CFHR4: variants seen among roughly 807,000 people sequenced by gnomAD.
The protein encoded by CFHR4 is complement factor H-related protein 4.
A neutral mutation model predicts 69.3 loss-of-function variants in CFHR4; 64 were observed. The observed-to-expected ratio is 0.92, with a 90% CI of 0.76 to 1.14. CFHR4 has a LOEUF of 1.14. Ranked by LOEUF, CFHR4 falls within the 50% of genes most tolerant of loss-of-function variation. The probability of loss-of-function intolerance (pLI) is 0.00; values close to 1 mark genes in which losing one functional copy is unlikely to be tolerated. For missense variants in CFHR4, 636 were observed against 684.9 expected (o/e 0.93, Z 0.80); for synonymous variants, 244 against 237.0 (o/e 1.03, Z -0.27).
intron 4 of CFHR4, 26 bp from the exon 5 acceptor site, chr1:196,907,290 C>A (rs1014463019): frequency 5.1e-6 from 8 of 1,581,512 alleles, no homozygotes; most frequent in South Asian, 1.1e-5. Flanking sequence ...GTTGATTTTT[C>A]CCCAATGTAA....
At chr1:196,899,691 G>A (rs960149262) in intron 1 of CFHR4, among the ~76,000 whole-genome samples, 1 of 151,606 alleles carries the variant, frequency 6.6e-6, no homozygotes, top group African/African-American at 2.4e-5. Context: ...TTATTCTATA[G>A]TTGGCTTATG....
rs548200715 is a variant in CFHR4 at position 196,917,448 on chromosome 1, G to C, written c.1541-762G>C. Among the ~76,000 whole-genome samples the C allele has an allele frequency of 3.2e-3, 491 of 151,664 alleles. 6 individuals are homozygous for C. The highest frequency in any genetic ancestry group is 0.011 in the African/African-American group (459 of 41,266). On this transcript the variant is annotated intron_variant, in intron 9 of 9. Coordinates refer to ENST00000608469, the MANE Select transcript of CFHR4 (RefSeq NM_001201550.3). Reference sequence around the variant, plus strand: ...AAAAATTATAAATTTTTTTACAAAAGAATTTTATAAAAGAAAACCCATATG... The same window carrying C: ...AAAAATTATAAATTTTTTTACAAAACAATTTTATAAAAGAAAACCCATATG...
At chr1:196,909,624 T>G (rs1291595438) in intron 5 of CFHR4, among the ~76,000 whole-genome samples, 1 of 151,240 alleles carries the variant, frequency 6.6e-6, no homozygotes, top group Admixed American at 6.6e-5. Flanking sequence ...ATACTAATGT[T>G]AATAAGGGCT....
In CFHR4 at chr1:196,909,014, C is replaced by G. The variant is rs184138208; in HGVS notation, c.800-1267C>G. Among the ~76,000 whole-genome samples, 5 of 151,540 alleles carry G rather than the reference C, an allele frequency of 3.3e-5. 1 individual carries two copies. The highest frequency in any genetic ancestry group is 1.3e-4 in the Admixed American group (2 of 15,194). ...TCATGTGTAAGTCCGGGCTCCAAAC[C>G]ATGCAAGTGGCAAGACTGCAGAGGA... On this transcript the variant is annotated intron_variant, in intron 5 of 9. Coordinates refer to ENST00000608469, the MANE Select transcript of CFHR4 (RefSeq NM_001201550.3).
chr1:196,896,947 G>T (rs1657331560), intron 1 of CFHR4, among the ~76,000 whole-genome samples: 1 of 151,420 alleles, frequency 6.6e-6, no homozygotes, highest in South Asian at 2.1e-4. Context: ...TGCACAACGT[G>T]CAGGTTTGTT....
At chr1:196,895,899 T>C (rs372741108) in intron 1 of CFHR4, among the ~76,000 whole-genome samples, 5 of 151,726 alleles carry the variant, frequency 3.3e-5, no homozygotes, top group African/African-American at 1.2e-4. Flanking sequence ...CTTCTACATG[T>C]TTGTTGAGGG....
At chr1:196,914,464 A>T (rs765895332) in intron 7 of CFHR4, 31 bp from the exon 8 acceptor site, 1 of 1,593,922 alleles carries the variant, frequency 6.3e-7, no homozygotes, top group African/African-American at 1.4e-5. Flanking sequence ...TATGGCATAG[A>T]AAAGCAATCC....
chr1:196,897,160 G>A (rs1214004689), intron 1 of CFHR4, among the ~76,000 whole-genome samples: 1 of 151,546 alleles, frequency 6.6e-6, no homozygotes, highest in Non-Finnish European at 1.5e-5. Context: ...AGATGAAATG[G>A]GGGAGTTCCC....
chr1:196,908,298 A>G (rs1326102945), intron 5 of CFHR4, among the ~76,000 whole-genome samples: 1 of 151,420 alleles, frequency 6.6e-6, no homozygotes, highest in African/African-American at 2.4e-5. Flanking sequence ...CCCGAACTTA[A>G]AGTATAATAA....
At chr1:196,910,833 C>A (rs1015461551) in intron 6 of CFHR4, among the ~76,000 whole-genome samples, 5 of 151,354 alleles carry the variant, frequency 3.3e-5, no homozygotes, top group Non-Finnish European at 7.4e-5. Flanking sequence ...TTTAAATATT[C>A]AAAAAATTAT....
At chr1:196,915,407 G>A (rs1299183312) in intron 9 of CFHR4, among the ~76,000 whole-genome samples, 1 of 151,446 alleles carries the variant, frequency 6.6e-6, no homozygotes, top group Admixed American at 6.6e-5. Flanking sequence ...GAAGGCCGAG[G>A]CAGGCAGATC....
intron 2 of CFHR4, among the ~76,000 whole-genome samples, chr1:196,903,665 A>T (rs912594593): frequency 8.0e-5 from 12 of 150,552 alleles, no homozygotes; most frequent in African/African-American, 2.7e-4. Context: ...GAAAAGAAAA[A>T]AACACATATA....
chr1:196,914,154 A>T (rs1430273586), intron 7 of CFHR4, among the ~76,000 whole-genome samples: 1 of 151,430 alleles, frequency 6.6e-6, no homozygotes, highest in Admixed American at 6.6e-5. Context: ...TAAATTCACA[A>T]AATTTTATCA....
chr1:196,897,619 C>A (rs1409903705), intron 1 of CFHR4, among the ~76,000 whole-genome samples: 2 of 151,270 alleles, frequency 1.3e-5, no homozygotes, highest in African/African-American at 2.4e-5. Context: ...TGGAGTTAGG[C>A]CACCCAGCGG....
At chr1:196,906,060 A>T (rs1365044946) in intron 3 of CFHR4, among the ~76,000 whole-genome samples, 1 of 151,524 alleles carries the variant, frequency 6.6e-6, no homozygotes, top group Non-Finnish European at 1.5e-5. Flanking sequence ...TTTTTAACAC[A>T]CATATTGATA....
At position 196,915,305 on chromosome 1, in the gene CFHR4, G is replaced by A. The variant is rs540461842; in HGVS notation, c.1540+167G>A. On this transcript the variant is annotated intron_variant, in intron 9 of 9. Transcript: ENST00000608469. ...CTTAATATATAAGTGTATAAGCTTG[G>A]AAAATTCCATGTAAACAATGACCAA... Among the ~76,000 whole-genome samples the A allele has an allele frequency of 2.4e-4, 36 of 151,122 alleles. 1 individual carries two copies. Among genetic ancestry groups the A allele is most frequent in the South Asian group, 2.1e-3 (10 of 4,780 alleles).
At position 196,913,616 on chromosome 1, in the gene CFHR4, T is replaced by C. The variant is rs1487094252; in HGVS notation, c.1180+694T>C. On this transcript the variant is annotated intron_variant, in intron 7 of 9. Transcript: ENST00000608469. ...GAAATCTTTCAGTGGCAAAAGTTGA[T>C]TTTTTTTCTTTCCTCTTTATATATT... 4.0e-5 allele frequency among the ~76,000 whole-genome samples: 6 copies of C among 151,284 alleles called. 1 individual carries two copies. The highest frequency in any genetic ancestry group is 4.2e-4 in the South Asian group (2 of 4,812).
chr1:196,899,479 T>C (rs1571422958), intron 1 of CFHR4, among the ~76,000 whole-genome samples: 2 of 151,448 alleles, frequency 1.3e-5, no homozygotes, highest in East Asian at 3.9e-4. Flanking sequence ...TTTTATTCTG[T>C]AGACACAAGG....
intron 9 of CFHR4, among the ~76,000 whole-genome samples, chr1:196,917,932 C>T (rs978602926): frequency 2.0e-5 from 3 of 151,422 alleles, no homozygotes; most frequent in African/African-American, 4.9e-5. Flanking sequence ...GTGGACACAA[C>T]ATGTTTTAGG....
Sources: gnomAD v4.1 joint callset for allele counts (sites outside exome capture counted in the v4.1 genomes callset) on GRCh38, gnomAD v4.1.1 for gene constraint, MANE v1.5 for transcripts, NCBI Gene and HGNC (gene_info 2026-07-23, HGNC 2026-07-21) for gene names.